Variants in PARD3B observed in about 807,000 individuals in gnomAD.
PARD3B encodes par-3 family cell polarity regulator beta, also known as partitioning defective 3 homolog B.
In PARD3B, 103 loss-of-function variants were observed where a neutral mutation model predicts 130.2. The observed-to-expected ratio is 0.79, with a 90% CI of 0.67 to 0.93. The LOEUF (loss-of-function observed/expected upper bound fraction) is 0.93. PARD3B is among the 40% of genes least tolerant of loss of function. PARD3B has a pLI of 0.00. For synonymous variants in PARD3B, 583 were observed against 553.2 expected (o/e 1.05, Z -0.76); for missense variants, 1,609 against 1,499.2 (o/e 1.07, Z -1.21).
intron 3 of PARD3B, among the ~76,000 whole-genome samples, chr2:205,014,829 T>G (rs2125317249): frequency 6.6e-6 from 1 of 152,288 alleles, no homozygotes; most frequent in African/African-American, 2.4e-5. Context: ...TCAGAGAAGG[T>G]TTCTGTAAAG....
chr2:205,139,421 T>C (rs1575922893), intron 10 of PARD3B, among the ~76,000 whole-genome samples: 1 of 152,190 alleles, frequency 6.6e-6, no homozygotes. Context: ...ATTAGAAAAA[T>C]ATGACTATGT....
intron 21 of PARD3B, among the ~76,000 whole-genome samples, chr2:205,540,584 G>C (rs189292180): frequency 3.3e-5 from 5 of 152,274 alleles, no homozygotes; most frequent in African/African-American, 1.2e-4. Context: ...CAGGGTTGCA[G>C]TAATATTTCT....
chr2:204,969,448 C>T (rs903625867), intron 3 of PARD3B, among the ~76,000 whole-genome samples: 1 of 152,172 alleles, frequency 6.6e-6, no homozygotes, highest in Admixed American at 6.5e-5. Flanking sequence ...CAAAACCTCA[C>T]CTCCACTCAA....
intron 1 of PARD3B, among the ~76,000 whole-genome samples, chr2:204,647,619 C>G (rs937773765): frequency 6.6e-6 from 1 of 151,584 alleles, no homozygotes; most frequent in African/African-American, 2.4e-5. Flanking sequence ...ATGCAATATC[C>G]AATAGTAATT....
At chr2:205,335,950 C>T (rs62171501) in intron 18 of PARD3B, among the ~76,000 whole-genome samples, 5,202 of 152,192 alleles carry the variant, frequency 0.034, 104 homozygotes, top group Middle Eastern at 0.058. Context: ...AATCACCTCC[C>T]GCCAGTTCCT....
At chr2:205,013,991 A>G (rs1017344685) in intron 3 of PARD3B, among the ~76,000 whole-genome samples, 2 of 152,184 alleles carry the variant, frequency 1.3e-5, no homozygotes, top group East Asian at 1.9e-4. Context: ...GTCTGTGTCT[A>G]TAAGTTCACA....
intron 4 of PARD3B, among the ~76,000 whole-genome samples, chr2:205,097,074 CA>C (rs1702443932): frequency 6.6e-6 from 1 of 151,996 alleles, no homozygotes; most frequent in East Asian, 1.9e-4. Flanking sequence ...TCTTCTTCGA[CA>C]AGATAGTCAT....
chr2:205,180,602 C>A lies in PARD3B; in HGVS notation c.1924+4025C>A, dbSNP rs1340132838. ...AACATTGGCTTTTTTTTTTTTCTTTCCTTTTTCCTTTCCTTTGTATATTTA... is the reference window on the plus strand; with the variant it reads ...AACATTGGCTTTTTTTTTTTTCTTTACTTTTTCCTTTCCTTTGTATATTTA... On this transcript the variant is annotated intron_variant, in intron 13 of 22. Transcript: ENST00000406610. 2.7e-5 allele frequency among the ~76,000 whole-genome samples: 4 copies of A among 147,662 alleles called. No homozygotes were observed. The South Asian group carries it at 8.6e-4, about 32-fold the overall frequency.
chr2:205,198,940 G>A (rs1357069121), intron 15 of PARD3B, among the ~76,000 whole-genome samples: 1 of 151,898 alleles, frequency 6.6e-6, no homozygotes, highest in African/African-American at 2.4e-5. Context: ...GTTAAAAGCT[G>A]AATTGGATAT....
chr2:205,542,834 A>G (rs1162756048), intron 21 of PARD3B, among the ~76,000 whole-genome samples: 2 of 152,176 alleles, frequency 1.3e-5, no homozygotes, highest in East Asian at 1.9e-4. Flanking sequence ...TTGTTAGACT[A>G]TTTATAGTTT....
chr2:204,727,413 G>C (rs1237466155), intron 2 of PARD3B, among the ~76,000 whole-genome samples: 1 of 152,192 alleles, frequency 6.6e-6, no homozygotes, highest in African/African-American at 2.4e-5. Context: ...TCTAAGCATG[G>C]ATAGGTCCAG....
intron 21 of PARD3B, among the ~76,000 whole-genome samples, chr2:205,514,967 T>C (rs2050735564): frequency 6.6e-6 from 1 of 151,970 alleles, no homozygotes. Context: ...AACAGTTACC[T>C]TTTCTGCTCC....
intron 18 of PARD3B, among the ~76,000 whole-genome samples, chr2:205,342,077 T>G (rs2043562263): frequency 6.6e-6 from 1 of 152,144 alleles, no homozygotes; most frequent in African/African-American, 2.4e-5. Context: ...CTGTCTGTTG[T>G]ATCCTCAGCC....
At chr2:204,616,514 G>C (rs995652210) in intron 1 of PARD3B, among the ~76,000 whole-genome samples, 1 of 152,116 alleles carries the variant, frequency 6.6e-6, no homozygotes, top group African/African-American at 2.4e-5. Context: ...GTTCATTACT[G>C]GTGGGAACGC....
intron 10 of PARD3B, among the ~76,000 whole-genome samples, chr2:205,150,299 G>T (rs2033668654): frequency 6.6e-6 from 1 of 151,276 alleles, no homozygotes. Flanking sequence ...TTGCCTGAAA[G>T]ATGGAAACCA....
At position 205,572,514 on chromosome 2, in the gene PARD3B, G is replaced by A. The variant is rs2053594641; in HGVS notation, c.3260+19111G>A. On this transcript the variant is annotated intron_variant, in intron 22 of 22. Coordinates refer to ENST00000406610, the MANE Select transcript of PARD3B (RefSeq NM_001302769.2). The surrounding 1 kb of genome is among the most constrained non-coding windows in gnomAD (Gnocchi z 4.2). Reference sequence around the variant, plus strand: ...AATCCCAGCACTTTGGGAGGCCAAGGCAGGCGGATTGCCTGAGCTCAGGAG... The same window carrying A: ...AATCCCAGCACTTTGGGAGGCCAAGACAGGCGGATTGCCTGAGCTCAGGAG... 6.6e-6 allele frequency among the ~76,000 whole-genome samples: 1 copy of A among 152,224 alleles called. No individual in the cohort carries two copies. Among genetic ancestry groups the A allele is most frequent in the African/African-American group, 2.4e-5 (1 of 41,450 alleles).
Position 204,546,118 on chromosome 2 carries a change from A to G in PARD3B, c.119A>G (p.Lys40Arg), listed in dbSNP as rs1375424546. 4 of 1,554,292 alleles carry G rather than the reference A, an allele frequency of 2.6e-6. No individual in the cohort carries two copies. The highest frequency in any genetic ancestry group is 1.9e-5 in the Admixed American group (1 of 51,914). The change falls in exon 1 of 23, where the codon AAG becomes AGG. Residue 40 changes from lysine (K) to arginine (R), a missense_variant and splice_region_variant. Coordinates refer to ENST00000406610, the MANE Select transcript of PARD3B (RefSeq NM_001302769.2). ...ALQRYLKTRE[K>R]GPGYWVKIHH... ...CAGCGGTACCTGAAGACCCGGGAGA[A>G]GGTGAGCGCGGCGCGGAGGAGTGGG...
At chr2:205,283,925 C>G (rs1404296436) in intron 16 of PARD3B, among the ~76,000 whole-genome samples, 1 of 152,112 alleles carries the variant, frequency 6.6e-6, no homozygotes, top group Non-Finnish European at 1.5e-5. Flanking sequence ...CCCTCTACCC[C>G]CACAGGAGGG....
At chr2:205,220,421 C>T (rs1470196086) in intron 15 of PARD3B, among the ~76,000 whole-genome samples, 1 of 152,140 alleles carries the variant, frequency 6.6e-6, no homozygotes. Flanking sequence ...TCCCAATTTC[C>T]TATACATTTC....
Sources: allele counts gnomAD v4.1 joint callset (sites outside exome capture counted in the v4.1 genomes callset), GRCh38; gene constraint gnomAD v4.1.1; non-coding constraint Gnocchi (gnomAD v3.1); transcripts MANE v1.5; gene names NCBI Gene and HGNC (gene_info 2026-07-23, HGNC 2026-07-21).